LRCH3: variants seen among roughly 807,000 people sequenced by gnomAD.
The protein encoded by LRCH3 is DISP complex protein LRCH3.
In LRCH3, 68 loss-of-function variants were observed where a neutral mutation model predicts 104.5. The ratio of observed to expected loss-of-function variants is 0.65; its 90% confidence interval spans 0.54 to 0.80. The LOEUF (loss-of-function observed/expected upper bound fraction) is 0.80. LRCH3 is among the 30% of genes least tolerant of loss of function. LRCH3 has a pLI of 0.00. For synonymous variants in LRCH3, 344 were observed against 361.3 expected (o/e 0.95, Z 0.54); for missense variants, 951 against 953.9 (o/e 1.00, Z 0.04).
In LRCH3 at chr3:197,814,927, T is replaced by G. The variant is rs771099099; in HGVS notation, c.282T>G (p.Leu94=). The change falls in exon 2 of 21, where the codon CTT becomes CTG. Residue 94 remains leucine, a synonymous_variant. Transcript: ENST00000425562. ...TTRADLSRNR[L]SEIPIEACHF... is the part of the protein sequence containing the mutation. ...TTTTAGACCTGTCGCGAAATCGCCT[T>G]TCAGAAATTCCTATAGAAGCATGTC... The G allele has an allele frequency of 3.1e-6, 5 of 1,595,346 alleles. No homozygotes were observed. In the African/African-American group the frequency reaches 6.7e-5, roughly 22 times the overall value.
chr3:197,835,371 A>T (rs1736621558), intron 8 of LRCH3, among the ~76,000 whole-genome samples: 1 of 151,458 alleles, frequency 6.6e-6, no homozygotes, highest in African/African-American at 2.4e-5. Context: ...TTTAGTAGAG[A>T]CGGGATTTCA....
At chr3:197,850,085 T>A (rs545514645) in intron 12 of LRCH3, among the ~76,000 whole-genome samples, 1 of 151,984 alleles carries the variant, frequency 6.6e-6, no homozygotes, top group East Asian at 1.9e-4. Flanking sequence ...TAAAGGGGGG[T>A]TCGTTTTAGG....
chr3:197,830,253 ATC>A (rs1003730310), intron 6 of LRCH3, among the ~76,000 whole-genome samples: 7 of 152,142 alleles, frequency 4.6e-5, no homozygotes, highest in Non-Finnish European at 8.8e-5. Context: ...ATCTGGAACA[ATC>A]TCTTTTTTTT....
intron 1 of LRCH3, among the ~76,000 whole-genome samples, chr3:197,804,329 T>G (rs1732235741): frequency 6.6e-6 from 1 of 152,186 alleles, no homozygotes; most frequent in Non-Finnish European, 1.5e-5. Context: ...ACCAGTTGCC[T>G]TGTTCCTAGG....
Position 197,810,111 on chromosome 3 carries a change from TA to T in LRCH3, c.263-4793del, listed in dbSNP as rs770396971. ...TGGGTGGAATAGAGCAGTTATTATCTAAAAGTTTTCTGTCTTGCTAAGCTAC... is the reference window on the plus strand; with the variant it reads ...TGGGTGGAATAGAGCAGTTATTATCTAAAGTTTTCTGTCTTGCTAAGCTAC... On this transcript the variant is annotated intron_variant, in intron 1 of 20. Transcript: ENST00000425562. The surrounding 1 kb of genome is among the most constrained non-coding windows in gnomAD (Gnocchi z 4.0). Among the ~76,000 whole-genome samples, 19 of 152,114 alleles carry T rather than the reference TA, an allele frequency of 1.2e-4. No individual in the cohort carries two copies. The highest frequency in any genetic ancestry group is 1.9e-4 in the Non-Finnish European group (13 of 68,018).
At chr3:197,808,049 C>T (rs1331030841) in intron 1 of LRCH3, among the ~76,000 whole-genome samples, 1 of 152,184 alleles carries the variant, frequency 6.6e-6, no homozygotes, top group Non-Finnish European at 1.5e-5. Context: ...TTTTGTCCGT[C>T]ACCCACAAAT....
chr3:197,844,793 AT>A lies in LRCH3; in HGVS notation c.1329-2609del, dbSNP rs573942639. Among the ~76,000 whole-genome samples, 635 of 151,382 alleles carry A rather than the reference AT, an allele frequency of 4.2e-3. 1 individual carries two copies. The highest frequency in any genetic ancestry group is 7.3e-3 in the Non-Finnish European group (495 of 67,874). On this transcript the variant is annotated intron_variant, in intron 10 of 20. Coordinates refer to ENST00000425562, the MANE Select transcript of LRCH3 (RefSeq NM_001365715.1). Reference sequence around the variant, plus strand: ...CCACCACACCTGGCCAGTTTTTCGTATTTTTTTAGTAGAGACGGAGTTTCAC... The same window carrying A: ...CCACCACACCTGGCCAGTTTTTCGTATTTTTTAGTAGAGACGGAGTTTCAC...
At chr3:197,801,069 T>C (rs1731835733) in intron 1 of LRCH3, among the ~76,000 whole-genome samples, 1 of 142,086 alleles carries the variant, frequency 7.0e-6, no homozygotes, top group African/African-American at 2.6e-5. Flanking sequence ...CACTCCAGCC[T>C]GGGCAACAGA....
chr3:197,807,610 A>C lies in LRCH3; in HGVS notation c.263-7298A>C, dbSNP rs542520985. 4.6e-5 allele frequency among the ~76,000 whole-genome samples: 7 copies of C among 152,060 alleles called. No individual in the cohort carries two copies. In the East Asian group the frequency reaches 1.4e-3, roughly 29 times the overall value. On this transcript the variant is annotated intron_variant, in intron 1 of 20. Transcript: ENST00000425562. The stretch of plus-strand genomic sequence containing the variant: ...TAATTTGTATTTCATATCATTGTTG[A>C]TGTGTTAGGGCCTAAGTCTGCCATT...
chr3:197,885,276 T>G lies in LRCH3; in HGVS notation c.*1610T>G, dbSNP rs565112134. 6.6e-6 allele frequency: 1 copy of G among 152,380 alleles called. No individual in the cohort carries two copies. Among genetic ancestry groups the G allele is most frequent in the African/African-American group, 2.4e-5 (1 of 41,582 alleles). The allele number at this position is 152,380 out of a possible 1,614,324, so 9.4% of individuals were successfully genotyped here. A position where few individuals can be genotyped will look rare whatever the true frequency, so the allele number is the denominator to read the frequency against. On this transcript the variant is annotated 3_prime_UTR_variant, in exon 21 of 21. Transcript: ENST00000425562. ...AAAAGCCTAGTTTCTTGTATTTCTT[T>G]CAGGTAACTGCCAGTTTCTGTGGCT...
intron 20 of LRCH3, chr3:197,881,598 T>C (rs761334976): frequency 5.1e-6 from 5 of 985,394 alleles, no homozygotes; most frequent in Non-Finnish European, 4.8e-6. Context: ...GTCCCTGTTC[T>C]GTGCTCAAGG....
chr3:197,822,463 C>T (rs1268910229), intron 4 of LRCH3, among the ~76,000 whole-genome samples: 1 of 152,196 alleles, frequency 6.6e-6, no homozygotes. Flanking sequence ...TTGAGCATTT[C>T]AGATGACAAT....
chr3:197,819,464 G>A (rs200676457), intron 3 of LRCH3, among the ~76,000 whole-genome samples: 4 of 151,008 alleles, frequency 2.6e-5, no homozygotes, highest in African/African-American at 9.8e-5. Flanking sequence ...GCCTGTAATC[G>A]CAGCACTTTG....
At chr3:197,824,855 C>T (rs1453225987) in intron 4 of LRCH3, among the ~76,000 whole-genome samples, 2 of 151,684 alleles carry the variant, frequency 1.3e-5, no homozygotes, top group Non-Finnish European at 2.9e-5. Flanking sequence ...CAGGCGTGAG[C>T]CACTGCACCT....
intron 17 of LRCH3, 73 bp downstream of exon 17, chr3:197,866,292 C>T: frequency 1.9e-6 from 2 of 1,035,242 alleles, no homozygotes; most frequent in East Asian, 2.4e-5. Context: ...TAGATGGATG[C>T]TTTTAAACTT....
chr3:197,860,303 T>G (rs1028862676), intron 15 of LRCH3, among the ~76,000 whole-genome samples: 4 of 152,208 alleles, frequency 2.6e-5, no homozygotes, highest in Admixed American at 2.0e-4. Context: ...CTCCTTCAAC[T>G]TCTAAATGAC....
At chr3:197,832,438 C>A in intron 8 of LRCH3, 121 bp downstream of exon 8, 1 of 931,968 alleles carries the variant, frequency 1.1e-6, no homozygotes, top group Non-Finnish European at 1.5e-6. Flanking sequence ...CTTTTAAAGA[C>A]TTCTTTTCAT....
At position 197,852,594 on chromosome 3, in the gene LRCH3, C is replaced by G. The variant is rs1409150356; in HGVS notation, c.1564C>G (p.Pro522Ala). The stretch of plus-strand genomic sequence containing the variant: ...ATCACAAAGTCCACAAAAACAGCAC[C>G]CGCTCCTAGATGGCGTAGATGGTGA... Reference protein sequence around the residue: ...KASQSPQKQHPLLDGVDGECP... With the variant: ...KASQSPQKQHALLDGVDGECP... Residue 522 changes from proline to alanine, a missense_variant, in exon 13 of 21, where the codon CCG becomes GCG. Transcript: ENST00000425562. The G allele has an allele frequency of 6.2e-7, 1 of 1,613,922 alleles. No individual in the cohort carries two copies. Among genetic ancestry groups the G allele is most frequent in the African/African-American group, 1.3e-5 (1 of 74,882 alleles).
chr3:197,880,039 G>C (rs9754697), intron 20 of LRCH3, among the ~76,000 whole-genome samples: 9,301 of 148,054 alleles, frequency 0.063, 1,050 homozygotes, highest in African/African-American at 0.23. Context: ...TCCGCCTCCC[G>C]GGTTCCCGCC....
Sources: gnomAD v4.1 joint callset for allele counts (sites outside exome capture counted in the v4.1 genomes callset) on GRCh38, gnomAD v4.1.1 for gene constraint, Gnocchi (gnomAD v3.1) non-coding constraint, MANE v1.5 for transcripts, NCBI Gene and HGNC (gene_info 2026-07-23, HGNC 2026-07-21) for gene names.